Variants in ADAD2 observed in about 807,000 individuals in gnomAD.
ADAD2 encodes the protein adenosine deaminase domain-containing protein 2.
A neutral mutation model predicts 54.5 loss-of-function variants in ADAD2; 60 were observed. The ratio of observed to expected loss-of-function variants is 1.10; its 90% confidence interval spans 0.89 to 1.36. ADAD2 has a LOEUF of 1.36. Ranked by LOEUF, ADAD2 falls within the 40% of genes most tolerant of loss-of-function variation. The pLI, the probability that ADAD2 is intolerant of heterozygous loss-of-function variation, is 0.00. For synonymous variants in ADAD2, 543 were observed against 366.2 expected, an observed-to-expected ratio of 1.48 and a Z score of -5.51; for missense variants, 1,103 against 801.3, an observed-to-expected ratio of 1.38 and a Z score of -4.54.
In ADAD2 at chr16:84,196,862, C is replaced by A; in HGVS notation, c.1648-8C>A. On this transcript the variant is annotated splice_polypyrimidine_tract_variant and splice_region_variant and intron_variant, in intron 9 of 9. Transcript: ENST00000315906. ...TCCTCTCACCCCACCTCTCATCTCCCGCCCTAGGCTGGGCCCTACCAGGAG... is the reference window on the plus strand; with the variant it reads ...TCCTCTCACCCCACCTCTCATCTCCAGCCCTAGGCTGGGCCCTACCAGGAG... 5.7e-6 allele frequency: 9 copies of A among 1,588,960 alleles called. No individual in the cohort carries two copies. Among genetic ancestry groups the A allele is most frequent in the Non-Finnish European group, 7.7e-6 (9 of 1,165,974 alleles).
chr16:84,196,783 TC>T lies in ADAD2; in HGVS notation c.1647+22del, dbSNP rs771465722. 1.3e-6 allele frequency: 2 copies of T among 1,521,642 alleles called. No individual in the cohort carries two copies. Among genetic ancestry groups the T allele is most frequent in the African/African-American group, 1.4e-5 (1 of 72,594 alleles). 94.3% of individuals were successfully genotyped at this position (1,521,642 alleles called of 1,614,324 possible). ...GGCTGCCAAGGTTGGTTCCCCACCC[TC>T]CCCCCGTCCCGGTCCCTCTCCAGCC... On this transcript the variant is annotated intron_variant, in intron 9 of 9. Coordinates refer to ENST00000315906, the MANE Select transcript of ADAD2 (RefSeq NM_001145400.2).
At position 84,191,214 on chromosome 16, in the gene ADAD2, G is replaced by C. The variant is rs1464451448; in HGVS notation, c.-17G>C. ...GCGCGAGATAGGGCCTAGCGCCTCA[G>C]ATCTTCGTTGGCGGCCATGGCTTCG... On this transcript the variant is annotated 5_prime_UTR_variant, in exon 1 of 10. Coordinates refer to ENST00000315906, the MANE Select transcript of ADAD2 (RefSeq NM_001145400.2). 2 of 1,605,344 alleles carry C rather than the reference G, an allele frequency of 1.2e-6. No homozygotes were observed. The highest frequency in any genetic ancestry group is 1.7e-5 in the Admixed American group (1 of 59,366).
In ADAD2 at chr16:84,193,916, C is replaced by T. The variant is rs559191629; in HGVS notation, c.419-526C>T. ...TTAGCAGCAAGTACTGTGAAATTAA[C>T]CCTGCACCTTTGACCATGTGATCCC... On this transcript the variant is annotated intron_variant, in intron 1 of 9. Transcript: ENST00000315906. The T allele has an allele frequency of 1.1e-5, 15 of 1,312,980 alleles. No homozygotes were observed. In the South Asian group the frequency reaches 1.9e-4, roughly 16 times the overall value. The allele number at this position is 1,312,980 out of a possible 1,614,324, so 81.3% of individuals were successfully genotyped here. A position where few individuals can be genotyped will look rare whatever the true frequency, so the allele number is the denominator to read the frequency against.
chr16:84,194,114 T>G (rs1306066856), intron 1 of ADAD2: 1 of 1,614,054 alleles, frequency 6.2e-7, no homozygotes, highest in Non-Finnish European at 8.5e-7. Flanking sequence ...TGGCGTGGGC[T>G]CTGGAGAGGG....
chr16:84,196,694 G>T lies in ADAD2; in HGVS notation c.1574G>T (p.Arg525Leu), dbSNP rs142962765. The change falls in exon 9 of 10, where the codon CGG becomes CTG. Residue 525 changes from arginine to leucine, a missense_variant. Transcript: ENST00000315906. ...CGTCTCTGCAAGGCCTCCTTTCTCCGGGCCTTTCACCAGGCGGCCAGGGCT... is the reference window on the plus strand; with the variant it reads ...CGTCTCTGCAAGGCCTCCTTTCTCCTGGCCTTTCACCAGGCGGCCAGGGCT... The part of the protein sequence containing the change: ...PSRLCKASFL[R>L]AFHQAARAVG... 2 of 1,613,332 alleles carry T rather than the reference G, an allele frequency of 1.2e-6. No individual in the cohort carries two copies. The highest frequency in any genetic ancestry group is 1.6e-4 in the Middle Eastern group (1 of 6,062).
chr16:84,191,625 T>C lies in ADAD2; in HGVS notation c.395T>C (p.Leu132Pro). The change falls in exon 1 of 10, where the codon CTC (leucine) becomes CCC (proline). Residue 132 changes from leucine (L) to proline (P), a missense_variant. Transcript: ENST00000315906. Reference protein sequence around the residue: ...EYAASLGIFLLFREDQPPGPC... With the variant: ...EYAASLGIFLPFREDQPPGPC... ...GCGGCCAGCCTGGGCATCTTCCTGC[T>C]CTTCCGGGAGGACCAGCCACCAGGT... 1 of 1,555,836 alleles carries C rather than the reference T, an allele frequency of 6.4e-7. No homozygotes were observed.
chr16:84,195,581 G>A lies in ADAD2; in HGVS notation c.936G>A (p.Lys312=), dbSNP rs1178549234. 2 of 1,603,552 alleles carry A rather than the reference G, an allele frequency of 1.2e-6. No individual in the cohort carries two copies. The highest frequency in any genetic ancestry group is 2.2e-5 in the East Asian group (1 of 44,820). ...CCACACAGGGGGGCCCCAAGGGCAA[G>A]GAGCAGTCCGTGCTGGCCCCCCAGC... ...LLATQGGPKG[K]EQSVLAPQPG... Residue 312 remains lysine, a synonymous_variant, in exon 6 of 10, where the codon AAG becomes AAA. Coordinates refer to ENST00000315906, the MANE Select transcript of ADAD2 (RefSeq NM_001145400.2).
At chr16:84,194,771 C>T (rs548167018) in intron 2 of ADAD2, 162 bp from the exon 3 acceptor site, 240 of 1,270,418 alleles carry the variant, frequency 1.9e-4, no homozygotes, top group Non-Finnish European at 2.4e-4. Flanking sequence ...CCTGCTTTCA[C>T]GTCCTCTGGG....
At chr16:84,192,503 C>G (rs951849167) in intron 1 of ADAD2, 2 of 152,350 alleles carry the variant, frequency 1.3e-5, no homozygotes, top group African/African-American at 4.8e-5. Context: ...CCTGTAAATA[C>G]ATTCACGTGT....
chr16:84,197,048 G>A lies in ADAD2; in HGVS notation c.*74G>A, dbSNP rs2303244. 2.4e-5 allele frequency: 35 copies of A among 1,436,610 alleles called. No homozygotes were observed. The Middle Eastern group carries it at 7.0e-4, about 29-fold the overall frequency. 89.0% of individuals were successfully genotyped at this position (1,436,610 alleles called of 1,614,324 possible). On this transcript the variant is annotated 3_prime_UTR_variant, in exon 10 of 10. Transcript: ENST00000315906. Reference sequence around the variant, plus strand: ...TGGGGGAGTGCCCTATCTGAGGAGCGTTGTGGGGAGAACATGGGTTGTGCG... The same window carrying A: ...TGGGGGAGTGCCCTATCTGAGGAGCATTGTGGGGAGAACATGGGTTGTGCG...
At chr16:84,192,375 C>G (rs1051005758) in intron 1 of ADAD2, among the ~76,000 whole-genome samples, 1 of 152,090 alleles carries the variant, frequency 6.6e-6, no homozygotes, top group Non-Finnish European at 1.5e-5. Flanking sequence ...TTCTTGAAGT[C>G]CTGGGCTCCA....
Position 84,195,510 on chromosome 16 carries a change from C to T in ADAD2, c.885-20C>T, listed in dbSNP as rs778740033. The T allele has an allele frequency of 3.7e-6, 6 of 1,602,058 alleles. No individual in the cohort carries two copies. In the African/African-American group the frequency reaches 5.4e-5, roughly 14 times the overall value. On this transcript the variant is annotated intron_variant, in intron 5 of 9. Transcript: ENST00000315906. ...GCCAGGACAAGGTCTTCCCAACCAC[C>T]CTGTGCCTGTCGCTCCTAGGTTCTT... is the stretch of plus-strand genomic sequence containing the variant.
rs761028869 is a variant in ADAD2 at position 84,196,234 on chromosome 16, C to G, written c.1390C>G (p.Leu464Val). The change falls in exon 8 of 10, where the codon CTG becomes GTG. Residue 464 changes from leucine (L) to valine (V), a missense_variant. By Grantham distance (32) the Leu-to-Val change is conservative. Transcript: ENST00000315906. The part of the protein sequence containing the change: ...CLPPPYVRTA[L>V]HLFAGPPVAP... Reference sequence around the variant, plus strand: ...GCCACCTCCCTACGTCCGGACCGCCCTGCACCTGTTTGCAGGGCCCCCGGT... The same window carrying G: ...GCCACCTCCCTACGTCCGGACCGCCGTGCACCTGTTTGCAGGGCCCCCGGT... The G allele has an allele frequency of 1.9e-6, 3 of 1,612,112 alleles. No homozygotes were observed. Among genetic ancestry groups the G allele is most frequent in the Non-Finnish European group, 2.5e-6 (3 of 1,179,914 alleles).
At chr16:84,196,077 A>G in intron 7 of ADAD2, 33 bp downstream of exon 7, 1 of 1,599,220 alleles carries the variant, frequency 6.3e-7, no homozygotes, top group Non-Finnish European at 8.5e-7. Flanking sequence ...GGGGGTGAGA[A>G]GGGAGGGCAG....
At chr16:84,191,813 C>G (rs922410599) in intron 1 of ADAD2, 165 bp downstream of exon 1, 1 of 985,614 alleles carries the variant, frequency 1.0e-6, no homozygotes, top group Non-Finnish European at 1.5e-6. Context: ...GGGGTGGACC[C>G]TGCTGTGAGC....
Position 84,195,391 on chromosome 16 carries a change from G to T in ADAD2, c.829G>T (p.Gly277Cys), listed in dbSNP as rs752701869. 24 of 1,608,820 alleles carry T rather than the reference G, an allele frequency of 1.5e-5. No individual in the cohort carries two copies. The South Asian group carries it at 2.6e-4, about 18-fold the overall frequency. ...SCCAGWLEFSGQQLHDCHGLV... is the reference protein window; with the variant it reads ...SCCAGWLEFSCQQLHDCHGLV... Reference sequence around the variant, plus strand: ...CTGTGCTGGCTGGCTGGAGTTCTCGGGCCAGCAGCTCCACGACTGCCATGG... The same window carrying T: ...CTGTGCTGGCTGGCTGGAGTTCTCGTGCCAGCAGCTCCACGACTGCCATGG... Residue 277 changes from glycine to cysteine, a missense_variant, in exon 5 of 10, where the codon GGC becomes TGC. Transcript: ENST00000315906.
chr16:84,191,859 T>C, intron 1 of ADAD2: 2 of 729,280 alleles, frequency 2.7e-6, no homozygotes, highest in East Asian at 2.7e-5. Flanking sequence ...CACCAGATGC[T>C]CAACTGTGAA....
Position 84,195,698 on chromosome 16 carries a change from G to C in ADAD2, c.1052+1G>C. ...CCAAGGGCGCGGCCCGTGACATCTA[G>C]TATGCAGGGCCCCCGGGGCAGGCGG... On this transcript the variant is annotated splice_donor_variant, in intron 6 of 9. Coordinates refer to ENST00000315906, the MANE Select transcript of ADAD2 (RefSeq NM_001145400.2). LOFTEE classifies it high-confidence loss of function. The C allele has an allele frequency of 6.5e-7, 1 of 1,544,654 alleles. No homozygotes were observed. Among genetic ancestry groups the C allele is most frequent in the African/African-American group, 1.4e-5 (1 of 72,130 alleles).
intron 8 of ADAD2, 119 bp from the exon 9 acceptor site, chr16:84,196,528 C>T (rs2089733345): frequency 6.4e-7 from 1 of 1,551,728 alleles, no homozygotes; most frequent in Non-Finnish European, 8.7e-7. Flanking sequence ...ACACCTCTGT[C>T]TGCCCTGTGA....
Sources: gnomAD v4.1 joint callset for allele counts (sites outside exome capture counted in the v4.1 genomes callset) on GRCh38, gnomAD v4.1.1 for gene constraint, MANE v1.5 for transcripts, NCBI Gene and HGNC (gene_info 2026-07-23, HGNC 2026-07-21) for gene names.